APP: variants seen among roughly 807,000 people sequenced by gnomAD.
The protein encoded by APP is amyloid beta precursor protein.
In APP, 31 loss-of-function variants were observed where a neutral mutation model predicts 101.4. The ratio of observed to expected loss-of-function variants is 0.31; its 90% CI spans 0.23 to 0.41. The LOEUF is 0.41. Among genes scored for constraint, APP ranks in the 10% least tolerant of loss-of-function variants. The pLI is 1.00. For synonymous variants in APP, 366 were observed against 364.4 expected, an observed-to-expected ratio of 1.00 and a Z score of -0.05; for missense variants, 839 against 1,003.7, an observed-to-expected ratio of 0.84 and a Z score of 2.22.
At chr21:25,925,725 A>C (rs1454691535) in intron 13 of APP, among the ~76,000 whole-genome samples, 3 of 150,572 alleles carry the variant, frequency 2.0e-5, no homozygotes, top group Non-Finnish European at 4.4e-5. Flanking sequence ...ACTTGAGGTC[A>C]GGAGTTCAAG....
chr21:26,093,931 T>C (rs2061883283), intron 2 of APP, among the ~76,000 whole-genome samples: 1 of 151,972 alleles, frequency 6.6e-6, no homozygotes, highest in South Asian at 2.1e-4. Context: ...CTGGCCAACA[T>C]GGTGAAACCC....
chr21:26,025,618 A>G (rs551198430), intron 5 of APP, among the ~76,000 whole-genome samples: 1 of 152,312 alleles, frequency 6.6e-6, no homozygotes, highest in Admixed American at 6.5e-5. Context: ...TGTTTGTAAA[A>G]ACAGCTGTTT....
At chr21:26,135,056 G>A (rs914742120) in intron 1 of APP, among the ~76,000 whole-genome samples, 11 of 152,100 alleles carry the variant, frequency 7.2e-5, no homozygotes, top group Non-Finnish European at 1.5e-5. Context: ...ATACAATAGT[G>A]CCCATCTCTT....
At chr21:26,075,520 A>G (rs573164834) in intron 3 of APP, among the ~76,000 whole-genome samples, 7 of 152,336 alleles carry the variant, frequency 4.6e-5, no homozygotes, top group Admixed American at 1.3e-4. Context: ...ATTACTCCAG[A>G]GTATAATCAG....
chr21:25,960,927 G>A (rs908167618), intron 11 of APP, among the ~76,000 whole-genome samples: 2 of 152,150 alleles, frequency 1.3e-5, no homozygotes, highest in African/African-American at 4.8e-5. Context: ...TTCTTTGTTG[G>A]ACGGTAGGCA....
chr21:26,103,945 CTT>C (rs1568978758), intron 2 of APP, among the ~76,000 whole-genome samples: 2 of 152,182 alleles, frequency 1.3e-5, no homozygotes, highest in African/African-American at 2.4e-5. Flanking sequence ...CTGTGAATGG[CTT>C]AAACAACAAA....
intron 3 of APP, among the ~76,000 whole-genome samples, chr21:26,076,968 CAGG>C (rs2061508627): frequency 6.6e-6 from 1 of 150,396 alleles, no homozygotes; most frequent in Non-Finnish European, 1.5e-5. Flanking sequence ...GAGGCTGAGA[CAGG>C]AGAATGGCGT....
At chr21:26,110,202 T>C (rs1406775786) in intron 2 of APP, among the ~76,000 whole-genome samples, 1 of 152,190 alleles carries the variant, frequency 6.6e-6, no homozygotes, top group Non-Finnish European at 1.5e-5. Flanking sequence ...CCCAGCACTT[T>C]GGGAGGCTGA....
At chr21:26,078,447 T>G (rs1477687669) in intron 3 of APP, among the ~76,000 whole-genome samples, 1 of 152,214 alleles carries the variant, frequency 6.6e-6, no homozygotes, top group Non-Finnish European at 1.5e-5. Flanking sequence ...CTATTTTTAA[T>G]GTAGTTCATT....
intron 1 of APP, among the ~76,000 whole-genome samples, chr21:26,147,573 G>A (rs989810630): frequency 2.0e-5 from 3 of 151,636 alleles, no homozygotes; most frequent in Non-Finnish European, 4.4e-5. Context: ...TTGCTTTATT[G>A]TCTACAGTTT....
Position 26,050,413 on chromosome 21 carries a change from A to G in APP, c.662+587T>C, listed in dbSNP as rs113004802. Among the ~76,000 whole-genome samples, 256 of 152,334 alleles carry G rather than the reference A, an allele frequency of 1.7e-3. 1 individual carries two copies. Among genetic ancestry groups the G allele is most frequent in the African/African-American group, 5.8e-3 (241 of 41,576 alleles). ...CTTCAGTTAAGAATGAGAATCAGGT[A>G]AGAAGTAACGGGACTAAGCTCCCTA... On this transcript the variant is annotated intron_variant, in intron 5 of 17. Coordinates refer to ENST00000346798, the MANE Select transcript of APP (RefSeq NM_000484.4).
At chr21:26,155,068 T>C (rs2063347338) in intron 1 of APP, among the ~76,000 whole-genome samples, 1 of 152,132 alleles carries the variant, frequency 6.6e-6, no homozygotes, top group South Asian at 2.1e-4. Flanking sequence ...CTGGCCAACA[T>C]GGTGAAATCT....
intron 6 of APP, 124 bp downstream of exon 6, chr21:26,021,715 CT>C (rs2044345343): frequency 4.3e-6 from 6 of 1,391,712 alleles, no homozygotes; most frequent in South Asian, 1.4e-5. Context: ...CATAAGAAGC[CT>C]TTTGGAAAAA....
chr21:25,936,212 T>C (rs2040357593), intron 13 of APP, among the ~76,000 whole-genome samples: 1 of 152,128 alleles, frequency 6.6e-6, no homozygotes, highest in Admixed American at 6.5e-5. Context: ...TAAGGTTAAA[T>C]GAGGTCATGG....
chr21:26,005,972 AAAAC>A (rs750601929), intron 6 of APP, among the ~76,000 whole-genome samples: 6 of 152,216 alleles, frequency 3.9e-5, no homozygotes, highest in Non-Finnish European at 8.8e-5. Context: ...AGTTGAAAAG[AAAAC>A]AAATTTAAGA....
chr21:26,065,571 T>C (rs1362221295), intron 3 of APP, among the ~76,000 whole-genome samples: 1 of 152,198 alleles, frequency 6.6e-6, no homozygotes, highest in Non-Finnish European at 1.5e-5. Context: ...AGAGAATTCA[T>C]TCCCCTTTAC....
At position 26,121,475 on chromosome 21, in the gene APP, C is replaced by A. The variant is rs540102079; in HGVS notation, c.58-9329G>T. Among the ~76,000 whole-genome samples the A allele has an allele frequency of 2.6e-5, 4 of 152,126 alleles. 1 individual carries two copies. Among genetic ancestry groups the A allele is most frequent in the African/African-American group, 9.6e-5 (4 of 41,524 alleles). ...TGATCTCAGCTCACTGCAACCTCCA[C>A]TTCCCTGGTTCAAGCGATTCTCCTG... is the stretch of plus-strand genomic sequence containing the variant. On this transcript the variant is annotated intron_variant, in intron 1 of 17. Transcript: ENST00000346798.
intron 1 of APP, among the ~76,000 whole-genome samples, chr21:26,157,600 G>C (rs575305528): frequency 6.6e-6 from 1 of 152,224 alleles, no homozygotes; most frequent in Admixed American, 6.5e-5. Context: ...ATTCTATCAG[G>C]CCTACTCAGA....
intron 1 of APP, among the ~76,000 whole-genome samples, chr21:26,161,238 A>G (rs962445362): frequency 2.0e-5 from 3 of 152,242 alleles, no homozygotes; most frequent in East Asian, 3.8e-4. Flanking sequence ...TTAATCACCC[A>G]AAGTAGATCT....
Sources: allele counts gnomAD v4.1 joint callset (sites outside exome capture counted in the v4.1 genomes callset), GRCh38; gene constraint gnomAD v4.1.1; transcripts MANE v1.5; gene names NCBI Gene and HGNC (gene_info 2026-07-23, HGNC 2026-07-21).